SYNE2: variants seen among roughly 807,000 people sequenced by gnomAD.
The protein encoded by SYNE2 is spectrin repeat containing nuclear envelope protein 2, also known as nesprin-2.
Under a neutral mutation model 856.3 loss-of-function variants are expected in SYNE2, and 431 were observed. The observed-to-expected ratio is 0.50, with a 90% CI of 0.47 to 0.55. The LOEUF (loss-of-function observed/expected upper bound fraction) is 0.55, where lower values mean the gene tolerates loss of function less well. SYNE2 is among the 20% of genes least tolerant of loss of function. The pLI, the probability that SYNE2 is intolerant of heterozygous loss-of-function variation, is 0.00. For synonymous variants in SYNE2, 2,923 were observed against 2,872.3 expected (o/e 1.02, Z -0.56); for missense variants, 8,129 against 8,023.2 (o/e 1.01, Z -0.50).
intron 2 of SYNE2, among the ~76,000 whole-genome samples, chr14:63,930,960 C>T (rs903562412): frequency 6.6e-6 from 1 of 152,086 alleles, no homozygotes; most frequent in Non-Finnish European, 1.5e-5. Context: ...ATTTGGGTAA[C>T]CTGGAGATCA....
chr14:63,961,902 T>C (rs1304528152), intron 9 of SYNE2, among the ~76,000 whole-genome samples: 2 of 151,872 alleles, frequency 1.3e-5, no homozygotes, highest in Admixed American at 1.3e-4. Flanking sequence ...TTTTTTTAGG[T>C]TCAAAGGGAT....
intron 78 of SYNE2, among the ~76,000 whole-genome samples, chr14:64,136,698 A>G (rs1264163040): frequency 2.0e-5 from 3 of 152,122 alleles, no homozygotes; most frequent in African/African-American, 7.2e-5. Context: ...TTATTTTTCT[A>G]AAGTTTTCTT....
chr14:63,832,916 T>C (rs1019178730), intron 1 of SYNE2, among the ~76,000 whole-genome samples: 1 of 144,662 alleles, frequency 6.9e-6, no homozygotes, highest in East Asian at 2.0e-4. Context: ...GGCACGTGCC[T>C]ATAGTCCCAG....
intron 15 of SYNE2, 40 bp downstream of exon 15, chr14:63,980,772 C>T: frequency 7.4e-7 from 1 of 1,353,118 alleles, no homozygotes; most frequent in Non-Finnish European, 1.1e-6. Flanking sequence ...ATGACTGTCA[C>T]TTAACAGTGA....
chr14:64,040,135 CA>C (rs2097136336), intron 45 of SYNE2, among the ~76,000 whole-genome samples: 1 of 151,848 alleles, frequency 6.6e-6, no homozygotes, highest in Admixed American at 6.6e-5. Context: ...CCAGTCAGGC[CA>C]AAGAGATTCC....
chr14:64,108,027 T>C (rs2097782428), intron 65 of SYNE2, among the ~76,000 whole-genome samples: 1 of 152,144 alleles, frequency 6.6e-6, no homozygotes, highest in Non-Finnish European at 1.5e-5. Flanking sequence ...TGTTTACAAA[T>C]TAAGAAATCA....
At chr14:63,967,530 A>C (rs1468335241) in intron 10 of SYNE2, among the ~76,000 whole-genome samples, 179 bp from the exon 11 acceptor site, 1 of 152,234 alleles carries the variant, frequency 6.6e-6, no homozygotes, top group Non-Finnish European at 1.5e-5. Flanking sequence ...GCTGGTGCCC[A>C]GTTATCACAG....
upstream of SYNE2, among the ~76,000 whole-genome samples, chr14:63,761,774 GTGT>G (rs1886490639): frequency 6.6e-6 from 1 of 152,200 alleles, no homozygotes; most frequent in Admixed American, 6.6e-5. Flanking sequence ...AAATGCCAAG[GTGT>G]TGTATTTTGG....
rs535940954 is a variant in SYNE2 at position 64,123,953 on chromosome 14, C to A, written c.13423-1126C>A. ...GGTGCAGTGGCTCACGCCTATAATC[C>A]CAGCACTTCAGGAGCCTGAGGCGTG... is the stretch of plus-strand genomic sequence containing the variant. On this transcript the variant is annotated intron_variant, in intron 70 of 115. Coordinates refer to ENST00000555002, the MANE Select transcript of SYNE2 (RefSeq NM_182914.3). 1.2e-3 allele frequency among the ~76,000 whole-genome samples: 177 copies of A among 151,686 alleles called. 3 individuals are homozygous for A. The highest frequency in any genetic ancestry group is 1.4e-3 in the Non-Finnish European group (95 of 67,926).
intron 1 of SYNE2, among the ~76,000 whole-genome samples, chr14:63,865,741 A>T (rs867475994): frequency 1.4e-5 from 2 of 145,840 alleles, no homozygotes; most frequent in Non-Finnish European, 3.0e-5. Flanking sequence ...AAAGAAAAGA[A>T]AAAAGAAATT....
intron 94 of SYNE2, among the ~76,000 whole-genome samples, chr14:64,171,109 A>G (rs1384576872): frequency 1.3e-5 from 2 of 152,210 alleles, no homozygotes; most frequent in African/African-American, 2.4e-5. Flanking sequence ...AAAAATAAAA[A>G]TAAAGGGGCA....
rs1475509941 is a variant in SYNE2, at chr14:64,091,036, T to C, written c.11964T>C (p.Asn3988=). 6.2e-7 allele frequency: 1 copy of C among 1,613,808 alleles called. No individual in the cohort carries two copies. The highest frequency in any genetic ancestry group is 2.2e-5 in the East Asian group (1 of 44,882). Residue 3988 remains asparagine (N), a synonymous_variant, in exon 60 of 116, where the codon AAT becomes AAC. Transcript: ENST00000555002. The part of the protein sequence containing the change: ...KLLENVTQEQ[N]ELLKVVIKQT... ...TGGAAAATGTGACTCAAGAACAAAA[T>C]GAGTTATTAAAGGTAAGCAGTTTCT...
chr14:64,068,950 G>A (rs2097380281), intron 51 of SYNE2, among the ~76,000 whole-genome samples: 1 of 151,704 alleles, frequency 6.6e-6, no homozygotes, highest in Non-Finnish European at 1.5e-5. Flanking sequence ...GGACACCAGA[G>A]CTTGGGACTG....
At chr14:63,776,030 A>G (rs1444075785) in intron 1 of SYNE2, among the ~76,000 whole-genome samples, 4 of 152,196 alleles carry the variant, frequency 2.6e-5, no homozygotes, top group Non-Finnish European at 4.4e-5. Flanking sequence ...TAGCATCTTA[A>G]TTCACTGGAG....
At chr14:64,151,981 CT>C (rs1297823585) in intron 84 of SYNE2, among the ~76,000 whole-genome samples, 1 of 152,056 alleles carries the variant, frequency 6.6e-6, no homozygotes, top group Non-Finnish European at 1.5e-5. Context: ...CCATGGTGTC[CT>C]TTGTAGTAGA....
At chr14:63,822,228 A>G (rs1282944397) in intron 1 of SYNE2, among the ~76,000 whole-genome samples, 1 of 151,992 alleles carries the variant, frequency 6.6e-6, no homozygotes, top group Admixed American at 6.6e-5. Context: ...AGCAAAAAAC[A>G]AACAAAAAAA....
At chr14:63,764,118 G>A (rs1886587947) in intron 1 of SYNE2, among the ~76,000 whole-genome samples, 1 of 152,208 alleles carries the variant, frequency 6.6e-6, no homozygotes, top group Non-Finnish European at 1.5e-5. Flanking sequence ...AAATTTGGGG[G>A]CTAGCTGTTA....
chr14:63,831,543 T>C (rs1477704591), intron 1 of SYNE2, among the ~76,000 whole-genome samples: 5 of 147,950 alleles, frequency 3.4e-5, no homozygotes, highest in African/African-American at 9.8e-5. Flanking sequence ...GAATATAATG[T>C]TCATTCTTTT....
intron 85 of SYNE2, among the ~76,000 whole-genome samples, chr14:64,154,594 A>C (rs1197460975): frequency 6.6e-6 from 1 of 152,048 alleles, no homozygotes; most frequent in Non-Finnish European, 1.5e-5. Flanking sequence ...GCAGTTTAAG[A>C]CCAGCCTGGC....
Sources: gnomAD v4.1 joint callset for allele counts (sites outside exome capture counted in the v4.1 genomes callset) on GRCh38, gnomAD v4.1.1 for gene constraint, MANE v1.5 for transcripts, NCBI Gene and HGNC (gene_info 2026-07-23, HGNC 2026-07-21) for gene names.